TRPC5: variants seen among roughly 807,000 people sequenced by gnomAD.
TRPC5 encodes transient receptor potential cation channel subfamily C member 5, also known as short transient receptor potential channel 5.
Under a neutral mutation model 56.5 loss-of-function variants are expected in TRPC5, and 9 were observed. That is an observed-to-expected ratio of 0.16 (90% CI 0.10 to 0.28). TRPC5 has a LOEUF of 0.28. Ranked by LOEUF, TRPC5 falls within the 10% of genes least tolerant of loss-of-function variation. TRPC5 has a pLI of 1.00. For missense variants in TRPC5, 469 were observed against 748.9 expected (o/e 0.63, Z 4.36); for synonymous variants, 282 against 278.5 (o/e 1.01, Z -0.13).
intron 2 of TRPC5, among the ~76,000 whole-genome samples, chrX:111,939,734 A>C (rs1193561069): frequency 8.9e-6 from 1 of 111,753 alleles, no homozygotes. Flanking sequence ...TTGAGGCATC[A>C]GTTGTAGTTT....
chrX:111,784,952 G>A (rs1198627891), intron 7 of TRPC5, among the ~76,000 whole-genome samples: 1 of 112,492 alleles, frequency 8.9e-6, no homozygotes, highest in Non-Finnish European at 1.9e-5. Context: ...AGCTCAATGA[G>A]GCCCACTGCC....
chrX:112,012,623 C>T (rs370418368), intron 1 of TRPC5, among the ~76,000 whole-genome samples: 2 of 111,172 alleles, frequency 1.8e-5, no homozygotes, highest in African/African-American at 6.5e-5. Context: ...ACAGATGAGT[C>T]TGTGGCTTAG....
At chrX:111,893,079 G>GTTTT (rs79584045) in intron 3 of TRPC5, among the ~76,000 whole-genome samples, 2 of 88,175 alleles carry the variant, frequency 2.3e-5, no homozygotes, top group African/African-American at 8.2e-5. Context: ...CAAATATAGG[G>GTTTT]TTTTTTTTTT....
chrX:111,975,899 G>A (rs1350389428), intron 1 of TRPC5, among the ~76,000 whole-genome samples: 1 of 111,173 alleles, frequency 9.0e-6, no homozygotes, highest in African/African-American at 3.3e-5. Flanking sequence ...GCAAGACTCC[G>A]TCTCCAAAAG....
chrX:112,081,109 G>A (rs954138441), intron 1 of TRPC5, among the ~76,000 whole-genome samples: 3 of 112,041 alleles, frequency 2.7e-5, no homozygotes, highest in Non-Finnish European at 3.8e-5. Context: ...ACATGACTGC[G>A]ATCCAAAGAG....
At chrX:111,802,061 A>G (rs938470511) in intron 7 of TRPC5, among the ~76,000 whole-genome samples, 1 of 111,975 alleles carries the variant, frequency 8.9e-6, no homozygotes, top group African/African-American at 3.2e-5. Context: ...GTATGGTATG[A>G]AAAAGGAGCC....
At chrX:111,994,011 T>C (rs976271201) in intron 1 of TRPC5, among the ~76,000 whole-genome samples, 182 of 112,369 alleles carry the variant, frequency 1.6e-3, no homozygotes, top group African/African-American at 5.3e-3. Flanking sequence ...GCCTAGGTTT[T>C]CTTCTAGGGT....
At chrX:111,867,796 C>T (rs1322364192) in intron 3 of TRPC5, among the ~76,000 whole-genome samples, 1 of 112,024 alleles carries the variant, frequency 8.9e-6, no homozygotes, top group Non-Finnish European at 1.9e-5. Flanking sequence ...ACATAATCCA[C>T]ACACAACTCT....
chrX:111,936,447 A>T (rs1377708154), intron 2 of TRPC5, among the ~76,000 whole-genome samples: 1 of 108,506 alleles, frequency 9.2e-6, no homozygotes, highest in Non-Finnish European at 1.9e-5. Flanking sequence ...GCACCCATTA[A>T]CTCGTCATTT....
At chrX:111,943,365 C>T (rs1700442963) in intron 2 of TRPC5, among the ~76,000 whole-genome samples, 1 of 111,839 alleles carries the variant, frequency 8.9e-6, no homozygotes, top group Non-Finnish European at 1.9e-5. Context: ...TCACCTTTCT[C>T]CAGGCCCTCG....
chrX:111,954,890 TAA>T (rs1343552842), intron 1 of TRPC5, among the ~76,000 whole-genome samples: 2 of 111,907 alleles, frequency 1.8e-5, no homozygotes, highest in African/African-American at 6.5e-5. Flanking sequence ...GCTGGGGCAA[TAA>T]AGTTATAAAA....
At chrX:112,040,436 T>C (rs1446251263) in intron 1 of TRPC5, among the ~76,000 whole-genome samples, 1 of 111,860 alleles carries the variant, frequency 8.9e-6, no homozygotes, top group Non-Finnish European at 1.9e-5. Context: ...GTAGAGGGCT[T>C]GTTAAGATCA....
intron 1 of TRPC5, among the ~76,000 whole-genome samples, chrX:112,052,059 A>G (rs1930228370): frequency 8.9e-6 from 1 of 111,928 alleles, no homozygotes; most frequent in Non-Finnish European, 1.9e-5. Flanking sequence ...CCTTTTGGCT[A>G]TTGTGAATAA....
rs748027441 is a variant in TRPC5 at position 112,070,260 on chromosome X, C to T, written c.-22+11619G>A. On this transcript the variant is annotated intron_variant, in intron 1 of 10. Coordinates refer to ENST00000262839, the MANE Select transcript of TRPC5 (RefSeq NM_012471.3). ...CAACTAAAAGTCATGACTTAACTCA[C>T]CCCTCTAGTTTCTGGATTTCTTCTT... Among the ~76,000 whole-genome samples, 3 of 112,024 alleles carry T rather than the reference C, an allele frequency of 2.7e-5. No homozygotes were observed. The South Asian group carries it at 1.1e-3, about 42-fold the overall frequency.
intron 7 of TRPC5, among the ~76,000 whole-genome samples, chrX:111,802,389 A>C (rs1834615722): frequency 9.0e-6 from 1 of 111,331 alleles, no homozygotes; most frequent in Non-Finnish European, 1.9e-5. Flanking sequence ...GCAGCTTGTC[A>C]ATTTATGCAA....
chrX:111,813,826 T>A (rs1419464654), intron 7 of TRPC5, among the ~76,000 whole-genome samples: 2 of 112,266 alleles, frequency 1.8e-5, no homozygotes, highest in Non-Finnish European at 3.8e-5. Flanking sequence ...TAAGACCAGC[T>A]CTACTTCACT....
intron 3 of TRPC5, among the ~76,000 whole-genome samples, chrX:111,892,584 A>T (rs1362263415): frequency 9.0e-6 from 1 of 111,692 alleles, no homozygotes; most frequent in African/African-American, 3.3e-5. Flanking sequence ...AGTGCTTCAG[A>T]GGAAGTTAGA....
intron 3 of TRPC5, among the ~76,000 whole-genome samples, chrX:111,892,839 C>T (rs1924867299): frequency 8.9e-6 from 1 of 111,763 alleles, no homozygotes; most frequent in African/African-American, 3.3e-5. Flanking sequence ...CAGCTATTCA[C>T]TAGTCATGAT....
chrX:111,905,917 A>C (rs1240508296), intron 3 of TRPC5, among the ~76,000 whole-genome samples: 1 of 106,126 alleles, frequency 9.4e-6, no homozygotes, highest in Non-Finnish European at 1.9e-5. Context: ...TCTGTCTCAA[A>C]AAAAAAAAAA....
Sources: allele counts gnomAD v4.1 joint callset (sites outside exome capture counted in the v4.1 genomes callset), GRCh38; gene constraint gnomAD v4.1.1; transcripts MANE v1.5; gene names NCBI Gene and HGNC (gene_info 2026-07-23, HGNC 2026-07-21).